Variants in LRRC37A2 observed in about 807,000 individuals in gnomAD.
The protein encoded by LRRC37A2 is leucine rich repeat containing 37 member A2.
In LRRC37A2, 9 loss-of-function variants were observed where a neutral mutation model predicts 68.8. The observed-to-expected ratio is 0.13, with a 90% CI of 0.08 to 0.23. The LOEUF (loss-of-function observed/expected upper bound fraction) is 0.23, where lower values mean the gene tolerates loss of function less well. Ranked by LOEUF, LRRC37A2 falls within the 10% of genes least tolerant of loss-of-function variation. The pLI, the probability that LRRC37A2 is intolerant of heterozygous loss-of-function variation, is 1.00. For synonymous variants in LRRC37A2, 63 were observed against 367.6 expected (o/e 0.17, Z 9.48); for missense variants, 168 against 950.4 (o/e 0.18, Z 10.82).
At chr17:46,929,985 A>G in the LRRC37A2 span, 1 of 167,252 alleles carries the variant, frequency 6.0e-6, no homozygotes, top group Non-Finnish European at 1.3e-5. Flanking sequence ...AGCAATATTA[A>G]TTAGTTTAGT....
At chr17:46,980,702 G>T in the LRRC37A2 span, among the ~76,000 whole-genome samples, 7,568 of 135,500 alleles carry the variant, frequency 0.056, 274 homozygotes, top group Non-Finnish European at 0.086. Flanking sequence ...GCGTGGTGGC[G>T]GGCGCCTGTA....
chr17:46,893,683 G>A, the LRRC37A2 span, among the ~76,000 whole-genome samples: 16 of 152,140 alleles, frequency 1.1e-4, no homozygotes, highest in Non-Finnish European at 1.9e-4. Flanking sequence ...CAGCCATTGA[G>A]TTCCAAGCTG....
At chr17:46,929,757 G>A in the LRRC37A2 span, 4 of 606,174 alleles carry the variant, frequency 6.6e-6, no homozygotes, top group South Asian at 1.9e-5. Flanking sequence ...CCCTGAGTGT[G>A]CCCTTTGGAA....
At chr17:46,732,150 T>A in the LRRC37A2 span, among the ~76,000 whole-genome samples, 1 of 152,218 alleles carries the variant, frequency 6.6e-6, no homozygotes, top group South Asian at 2.1e-4. Flanking sequence ...TGTGAGCATT[T>A]TTCTTTAAAA....
the LRRC37A2 span, among the ~76,000 whole-genome samples, chr17:46,826,040 G>A: frequency 6.6e-6 from 1 of 152,178 alleles, no homozygotes; most frequent in South Asian, 2.1e-4. Context: ...AAAACAAAAC[G>A]AAACAAAACA....
the LRRC37A2 span, chr17:46,711,238 T>A: frequency 6.2e-6 from 6 of 971,288 alleles, no homozygotes; most frequent in Admixed American, 2.5e-4. Context: ...TTGTTCTTGA[T>A]CTGAAAATAG....
At chr17:46,953,993 C>G in the LRRC37A2 span, among the ~76,000 whole-genome samples, 3 of 152,194 alleles carry the variant, frequency 2.0e-5, no homozygotes, top group Non-Finnish European at 4.4e-5. Flanking sequence ...GTTGCCTGTT[C>G]ACGCTGATGG....
chr17:46,946,805 G>A, the LRRC37A2 span, among the ~76,000 whole-genome samples: 1 of 152,382 alleles, frequency 6.6e-6, no homozygotes, highest in South Asian at 2.1e-4. Context: ...AGAGGTTGCA[G>A]TGAGCCGACA....
the LRRC37A2 span, chr17:46,929,970 C>T: frequency 2.9e-4 from 51 of 177,770 alleles, 1 homozygote; most frequent in East Asian, 5.7e-3. Context: ...TATTCAGAAA[C>T]GAACAGCAAT....
the LRRC37A2 span, among the ~76,000 whole-genome samples, chr17:46,990,508 G>T: frequency 6.6e-6 from 1 of 152,160 alleles, no homozygotes; most frequent in South Asian, 2.1e-4. Context: ...GTTGTAAGGG[G>T]TAAGACAAGG....
chr17:46,818,770 G>A, the LRRC37A2 span: 1 of 683,070 alleles, frequency 1.5e-6, no homozygotes, highest in Non-Finnish European at 2.6e-6. Flanking sequence ...AGCCGGGTTT[G>A]AGGATGTCAG....
chr17:46,732,848 G>GA, the LRRC37A2 span, among the ~76,000 whole-genome samples: 3 of 152,256 alleles, frequency 2.0e-5, no homozygotes, highest in East Asian at 3.9e-4. Context: ...AGCCAAGCCG[G>GA]AAAAAAGGGC....
chr17:46,551,075 C>G lies in LRRC37A2; in HGVS notation c.4809+556C>G, dbSNP rs1296541040. Among the ~76,000 whole-genome samples, 5 of 150,184 alleles carry G rather than the reference C, an allele frequency of 3.3e-5. 1 individual carries two copies. In the Middle Eastern group the frequency reaches 0.014, roughly 411 times the overall value. On this transcript the variant is annotated intron_variant, in intron 11 of 14. Coordinates refer to ENST00000576629, the Ensembl canonical transcript of LRRC37A2. Reference sequence around the variant, plus strand: ...ATTTTTGGCCACATTTTTAAGTTCACTGGTGAGGGGGAACGTCTCATACTC... The same window carrying G: ...ATTTTTGGCCACATTTTTAAGTTCAGTGGTGAGGGGGAACGTCTCATACTC...
At chr17:47,017,330 G>C in the LRRC37A2 span, 6 of 1,593,760 alleles carry the variant, frequency 3.8e-6, no homozygotes, top group Non-Finnish European at 5.1e-6. Context: ...TCAAGGACCC[G>C]CTCCAGCTGA....
At chr17:46,991,090 G>T in the LRRC37A2 span, among the ~76,000 whole-genome samples, 1 of 152,172 alleles carries the variant, frequency 6.6e-6, no homozygotes. Context: ...CTACAGAGGT[G>T]CTTTGCTAGT....
chr17:46,676,506 A>G, the LRRC37A2 span, among the ~76,000 whole-genome samples: 1 of 146,914 alleles, frequency 6.8e-6, no homozygotes, highest in Non-Finnish European at 1.5e-5. Flanking sequence ...TGCTGAGATT[A>G]TAGGCGTGAC....
chr17:46,933,997 A>T, the LRRC37A2 span, among the ~76,000 whole-genome samples: 1 of 151,668 alleles, frequency 6.6e-6, no homozygotes, highest in Non-Finnish European at 1.5e-5. Flanking sequence ...AGAGCTTGTG[A>T]TTGGCAGAAA....
At chr17:46,847,967 A>AGTGTGT in the LRRC37A2 span, among the ~76,000 whole-genome samples, 20,485 of 149,516 alleles carry the variant, frequency 0.14, 1,790 homozygotes, top group East Asian at 0.33. Context: ...TGATTTCCAA[A>AGTGTGT]GTGTGTGTGT....
At chr17:46,968,960 A>G in the LRRC37A2 span, 1 of 152,536 alleles carries the variant, frequency 6.6e-6, no homozygotes, top group African/African-American at 2.4e-5. Context: ...GATTGTTCTA[A>G]TGGGTCCTAC....
Sources: allele counts gnomAD v4.1 joint callset (sites outside exome capture counted in the v4.1 genomes callset), GRCh38; gene constraint gnomAD v4.1.1; transcripts MANE v1.5; gene names NCBI Gene and HGNC (gene_info 2026-07-23, HGNC 2026-07-21).